The following FRMPD4 variants were observed in gnomAD, a reference collection of about 807,000 sequenced individuals.
FRMPD4 encodes FERM and PDZ domain containing 4, also known as FERM and PDZ domain-containing protein 4.
In FRMPD4, 22 loss-of-function variants were observed where a neutral mutation model predicts 94.1. That is an observed-to-expected ratio of 0.23 (90% CI 0.17 to 0.33). The LOEUF is 0.33. Among genes scored for constraint, FRMPD4 ranks in the 10% least tolerant of loss-of-function variants. The probability of loss-of-function intolerance (pLI) is 1.00; values close to 1 mark genes in which losing one functional copy is unlikely to be tolerated. For synonymous variants in FRMPD4, 631 were observed against 548.6 expected, an observed-to-expected ratio of 1.15 and a Z score of -2.10; for missense variants, 1,111 against 1,339.9, an observed-to-expected ratio of 0.83 and a Z score of 2.67.
chrX:12,620,597 CAGGAATG>C (rs2059279116), intron 4 of FRMPD4, among the ~76,000 whole-genome samples: 1 of 112,276 alleles, frequency 8.9e-6, no homozygotes, highest in Admixed American at 9.4e-5. Flanking sequence ...CCAGTCCACT[CAGGAATG>C]AGATAGGATC....
At chrX:12,404,034 T>A (rs2056639167) in intron 1 of FRMPD4, among the ~76,000 whole-genome samples, 1 of 112,231 alleles carries the variant, frequency 8.9e-6, no homozygotes, top group Non-Finnish European at 1.9e-5. Context: ...AAGGAAATCA[T>A]ATAAAGATAC....
chrX:12,074,937 G>A (rs1657780147), intron 3 of FRMPD4, among the ~76,000 whole-genome samples: 1 of 112,311 alleles, frequency 8.9e-6, no homozygotes, highest in East Asian at 2.8e-4. Flanking sequence ...TAGCTTGTGT[G>A]GGAAGAGGGT....
chrX:11,851,300 T>C (rs947109329), intron 1 of FRMPD4, among the ~76,000 whole-genome samples: 10 of 112,020 alleles, frequency 8.9e-5, no homozygotes, highest in African/African-American at 3.2e-4. Flanking sequence ...TTTGATTTCC[T>C]CATCCCAGAA....
intron 4 of FRMPD4, among the ~76,000 whole-genome samples, chrX:12,626,324 C>CAAA (rs10715768): frequency 1.3e-5 from 1 of 74,522 alleles, no homozygotes; most frequent in Non-Finnish European, 2.5e-5. Context: ...GATCCTGTCT[C>CAAA]AAAAAAAAAA....
intron 1 of FRMPD4, among the ~76,000 whole-genome samples, chrX:12,157,177 C>G (rs943241463): frequency 9.0e-6 from 1 of 111,703 alleles, no homozygotes; most frequent in African/African-American, 3.3e-5. Context: ...TTGATAAAAC[C>G]TGATTGTTTC....
rs1003716099 is a variant in FRMPD4, at chrX:11,911,497, A to G, written c.95+33479A>G. Reference sequence around the variant, plus strand: ...AAAATGTGACACTGTTTTGCAGCAAAGGGCTTCTCCCTTCCTCTGAATGGA... The same window carrying G: ...AAAATGTGACACTGTTTTGCAGCAAGGGGCTTCTCCCTTCCTCTGAATGGA... On this transcript the variant is annotated intron_variant, in intron 3 of 18. Coordinates refer to the FRMPD4 transcript ENST00000640291. Among the ~76,000 whole-genome samples, 3 of 112,211 alleles carry G rather than the reference A, an allele frequency of 2.7e-5. No homozygotes were observed. The Admixed American group carries it at 2.8e-4, about 11-fold the overall frequency.
chrX:12,022,974 A>G (rs1319715547), intron 3 of FRMPD4, among the ~76,000 whole-genome samples: 2 of 110,903 alleles, frequency 1.8e-5, no homozygotes, highest in African/African-American at 6.6e-5. Flanking sequence ...GCACTATGCT[A>G]TGGACTGAAT....
rs146424233 is a variant in FRMPD4, at chrX:12,440,735, G to A, written c.42-57945G>A. Among the ~76,000 whole-genome samples the A allele has an allele frequency of 3.4e-3, 375 of 111,041 alleles. 1 individual carries two copies. Among genetic ancestry groups the A allele is most frequent in the African/African-American group, 0.012 (362 of 30,562 alleles). On this transcript the variant is annotated intron_variant, in intron 1 of 16. Transcript: ENST00000675598. Reference sequence around the variant, plus strand: ...GGAGCAGCAACAGAAATGAAAAAGAGGGGATCTGAGGAAACTTGGAAAGGA... The same window carrying A: ...GGAGCAGCAACAGAAATGAAAAAGAAGGGATCTGAGGAAACTTGGAAAGGA...
intron 1 of FRMPD4, among the ~76,000 whole-genome samples, chrX:12,426,472 A>C (rs2056946123): frequency 9.0e-6 from 1 of 111,361 alleles, no homozygotes; most frequent in Non-Finnish European, 1.9e-5. Flanking sequence ...CAAAGAAAAG[A>C]CTGGGTCCTG....
intron 2 of FRMPD4, among the ~76,000 whole-genome samples, chrX:12,531,283 C>T (rs1321658838): frequency 8.9e-6 from 1 of 112,216 alleles, no homozygotes; most frequent in Non-Finnish European, 1.9e-5. Context: ...CCATCAAAGC[C>T]ATTTAGCATC....
intron 1 of FRMPD4, among the ~76,000 whole-genome samples, chrX:12,469,596 G>GA (rs998594509): frequency 9.0e-6 from 1 of 111,528 alleles, no homozygotes; most frequent in Non-Finnish European, 1.9e-5. Flanking sequence ...TACTTCTACA[G>GA]AAAAAATGTT....
chrX:12,259,210 C>T (rs780835697), intron 1 of FRMPD4, among the ~76,000 whole-genome samples: 1 of 111,659 alleles, frequency 9.0e-6, no homozygotes, highest in African/African-American at 3.2e-5. Flanking sequence ...CACCTGGCTC[C>T]CAAGCGGGGG....
intron 1 of FRMPD4, among the ~76,000 whole-genome samples, chrX:12,308,619 G>T (rs745477270): frequency 1.5e-4 from 17 of 111,341 alleles, no homozygotes; most frequent in Admixed American, 7.6e-4. Context: ...CTGATGAAGC[G>T]TGCCACAACA....
At chrX:12,538,865 C>T (rs181066023) in intron 2 of FRMPD4, among the ~76,000 whole-genome samples, 44 of 111,884 alleles carry the variant, frequency 3.9e-4, no homozygotes, top group Middle Eastern at 4.6e-3. Context: ...AAAAACATAG[C>T]AGAAAAGCTG....
chrX:12,355,352 G>A (rs1301292615), intron 1 of FRMPD4, among the ~76,000 whole-genome samples: 6 of 110,711 alleles, frequency 5.4e-5, no homozygotes, highest in Non-Finnish European at 9.5e-5. Context: ...CTAATGTTTT[G>A]TAATTTTTTG....
At chrX:12,118,970 A>G (rs2055432487) in intron 3 of FRMPD4, among the ~76,000 whole-genome samples, 1 of 111,252 alleles carries the variant, frequency 9.0e-6, no homozygotes, top group Non-Finnish European at 1.9e-5. Flanking sequence ...TCCCAGATAC[A>G]TGACCTTAGA....
chrX:12,637,921 A>G lies in FRMPD4; in HGVS notation c.422+23040A>G, dbSNP rs1005618703. On this transcript the variant is annotated intron_variant, in intron 4 of 16. Coordinates refer to ENST00000675598, the MANE Select transcript of FRMPD4 (RefSeq NM_001368397.1). ...AATTTAGAGTTTTATAATTATGAAT[A>G]CTATTTACATGATATCTAAGTCAAA... Among the ~76,000 whole-genome samples, 4 of 112,381 alleles carry G rather than the reference A, an allele frequency of 3.6e-5. No homozygotes were observed. In the Admixed American group the frequency reaches 3.8e-4, roughly 11 times the overall value.
chrX:12,321,756 A>C (rs1460353162), intron 1 of FRMPD4, among the ~76,000 whole-genome samples: 1 of 112,164 alleles, frequency 8.9e-6, no homozygotes, highest in Non-Finnish European at 1.9e-5. Flanking sequence ...AGTGACAAGC[A>C]GGAACCAACT....
At chrX:12,020,317 A>G (rs1023011622) in intron 3 of FRMPD4, among the ~76,000 whole-genome samples, 19 of 112,516 alleles carry the variant, frequency 1.7e-4, no homozygotes, top group African/African-American at 5.2e-4. Context: ...TAACCCTGCA[A>G]TCTTAATGGC....
Sources: gnomAD v4.1 joint callset for allele counts (sites outside exome capture counted in the v4.1 genomes callset) on GRCh38, gnomAD v4.1.1 for gene constraint, MANE v1.5 for transcripts, NCBI Gene and HGNC (gene_info 2026-07-23, HGNC 2026-07-21) for gene names.